Variants in SH3GLB1 observed in about 807,000 individuals in gnomAD.
SH3GLB1 encodes endophilin-B1.
SH3GLB1 carries 17 observed loss-of-function variants against 42.0 expected under a neutral mutation model. The observed-to-expected ratio is 0.40, with a 90% CI of 0.28 to 0.61. The LOEUF is 0.61. Ranked by LOEUF, SH3GLB1 falls within the 20% of genes least tolerant of loss-of-function variation. SH3GLB1 has a pLI of 0.36. For synonymous variants in SH3GLB1, 132 were observed against 146.6 expected, an observed-to-expected ratio of 0.90 and a Z score of 0.72; for missense variants, 355 against 426.3, an observed-to-expected ratio of 0.83 and a Z score of 1.47.
Position 86,742,216 on chromosome 1 carries a change from C to A in SH3GLB1, c.770C>A (p.Ser257Tyr), listed in dbSNP as rs1443520705. The change falls in exon 8 of 9, where the codon TCC becomes TAC. Residue 257 changes from serine (S) to tyrosine (Y), a missense_variant. Transcript: ENST00000370558. ...DLQKQLGSFP[S>Y]NYLSNNNQTS... ...TGCTTTCTTTTCAACAGTTTTCCATCCAATTATCTTAGTAACAACAATCAG... is the reference window on the plus strand; with the variant it reads ...TGCTTTCTTTTCAACAGTTTTCCATACAATTATCTTAGTAACAACAATCAG... 6.2e-7 allele frequency: 1 copy of A among 1,613,258 alleles called. No homozygotes were observed. The highest frequency in any genetic ancestry group is 1.3e-5 in the African/African-American group (1 of 74,882).
intron 5 of SH3GLB1, chr1:86,728,408 A>C (rs1475967790): frequency 6.4e-6 from 10 of 1,554,512 alleles, no homozygotes; most frequent in Non-Finnish European, 8.7e-6. Flanking sequence ...TTAAGCAACT[A>C]AACTCAGCTC....
intron 1 of SH3GLB1, 70 bp downstream of exon 1, chr1:86,705,041 C>A: frequency 9.3e-7 from 1 of 1,071,868 alleles, no homozygotes; most frequent in Admixed American, 2.6e-5. Flanking sequence ...CGCAGCTCGA[C>A]GCGGCGCCCC....
chr1:86,704,977 C>G lies in SH3GLB1; in HGVS notation c.72+6C>G. 6.4e-7 allele frequency: 1 copy of G among 1,569,316 alleles called. No individual in the cohort carries two copies. The highest frequency in any genetic ancestry group is 1.2e-5 in the South Asian group (1 of 86,212). Reference sequence around the variant, plus strand: ...TCCTCAGTCGCGCCGTGCAGGTACCCTGGTGCTGGGGGGAAAAGGGGTGGC... The same window carrying G: ...TCCTCAGTCGCGCCGTGCAGGTACCGTGGTGCTGGGGGGAAAAGGGGTGGC... On this transcript the variant is annotated splice_donor_region_variant and intron_variant, in intron 1 of 8. Coordinates refer to ENST00000370558, the MANE Select transcript of SH3GLB1 (RefSeq NM_016009.5).
chr1:86,704,810 T>G lies in SH3GLB1; in HGVS notation c.-90T>G, dbSNP rs263438. On this transcript the variant is annotated 5_prime_UTR_variant, in exon 1 of 9. Coordinates refer to ENST00000370558, the MANE Select transcript of SH3GLB1 (RefSeq NM_016009.5). ...CTCCCTCCACCTACCACGTCTGCCC[T>G]CGCCGCTCTAGCCCTGCGCCCCAGC... 95,528 of 768,238 alleles carry G rather than the reference T, an allele frequency of 0.12. 6,739 individuals carry two copies. The highest frequency in any genetic ancestry group is 0.25 in the African/African-American group (13,470 of 53,536). The allele number at this position is 768,238 out of a possible 1,614,324, so 47.6% of individuals were successfully genotyped here.
rs1316317567 is a variant in SH3GLB1, at chr1:86,744,264, C to T, written c.*1029C>T. 1 of 152,122 alleles carries T rather than the reference C, an allele frequency of 6.6e-6. No homozygotes were observed. Among genetic ancestry groups the T allele is most frequent in the East Asian group, 1.9e-4 (1 of 5,194 alleles). 9.4% of individuals were successfully genotyped at this position (152,122 alleles called of 1,614,324 possible). On this transcript the variant is annotated 3_prime_UTR_variant, in exon 9 of 9. Transcript: ENST00000370558. Reference sequence around the variant, plus strand: ...GAAGCTAGAAAATTGCTGTTGGGGCCATTGCTATAAATCATTGTTTCCATG... The same window carrying T: ...GAAGCTAGAAAATTGCTGTTGGGGCTATTGCTATAAATCATTGTTTCCATG...
chr1:86,706,935 T>C (rs1261223212), intron 1 of SH3GLB1, among the ~76,000 whole-genome samples: 1 of 152,244 alleles, frequency 6.6e-6, no homozygotes, highest in Non-Finnish European at 1.5e-5. Context: ...AATTTTATGC[T>C]AATCTGTTAG....
At chr1:86,741,265 T>C (rs1164098915) in intron 7 of SH3GLB1, among the ~76,000 whole-genome samples, 2 of 152,188 alleles carry the variant, frequency 1.3e-5, no homozygotes, top group African/African-American at 2.4e-5. Context: ...GGTATAGTGC[T>C]CGTGAAGAGA....
intron 7 of SH3GLB1, among the ~76,000 whole-genome samples, chr1:86,740,486 A>G (rs1001644439): frequency 6.6e-6 from 1 of 152,270 alleles, no homozygotes; most frequent in Non-Finnish European, 1.5e-5. Flanking sequence ...TGAGTGGCAT[A>G]AGAAATGAGA....
Position 86,746,464 on chromosome 1 carries a change from C to T in SH3GLB1, c.*3229C>T, listed in dbSNP as rs1365915997. On this transcript the variant is annotated 3_prime_UTR_variant, in exon 9 of 9. Transcript: ENST00000370558. ...TAGTTTAGCCTATAGCCAACTTTGC[C>T]TCAAGACCTCCAGATAAGATGAAGT... 6.6e-6 allele frequency: 1 copy of T among 152,238 alleles called. No individual in the cohort carries two copies. Among genetic ancestry groups the T allele is most frequent in the Admixed American group, 6.5e-5 (1 of 15,284 alleles). 9.4% of individuals were successfully genotyped at this position (152,238 alleles called of 1,614,324 possible).
chr1:86,735,317 A>G (rs1655728492), intron 7 of SH3GLB1, 138 bp downstream of exon 7: 4 of 548,780 alleles, frequency 7.3e-6, no homozygotes, highest in South Asian at 6.7e-5. Flanking sequence ...AAGGAAAGTA[A>G]TTATCAGTTT....
intron 7 of SH3GLB1, among the ~76,000 whole-genome samples, chr1:86,737,552 G>A (rs763299170): frequency 6.6e-6 from 1 of 152,150 alleles, no homozygotes; most frequent in African/African-American, 2.4e-5. Context: ...TTTTAGAGAG[G>A]AAAAGCTATA....
At chr1:86,722,729 T>G (rs529682308) in intron 4 of SH3GLB1, 56 bp downstream of exon 4, 1 of 1,433,386 alleles carries the variant, frequency 7.0e-7, no homozygotes, top group East Asian at 2.5e-5. Flanking sequence ...TATATACTTT[T>G]TAATGAATAA....
At chr1:86,715,540 A>G (rs1212906206) in intron 1 of SH3GLB1, among the ~76,000 whole-genome samples, 184 bp from the exon 2 acceptor site, 3 of 152,236 alleles carry the variant, frequency 2.0e-5, no homozygotes, top group African/African-American at 7.2e-5. Flanking sequence ...CATCCACAAA[A>G]GAAGTATGGA....
intron 2 of SH3GLB1, among the ~76,000 whole-genome samples, chr1:86,718,609 G>T (rs374972123): frequency 2.0e-5 from 3 of 152,088 alleles, no homozygotes; most frequent in African/African-American, 7.2e-5. Context: ...TTCCGCATGC[G>T]TAGGAATCTA....
rs1403366704 is a variant in SH3GLB1 at position 86,747,984 on chromosome 1, A to G, written c.*4749A>G. 2.0e-5 allele frequency: 3 copies of G among 152,186 alleles called. No individual in the cohort carries two copies. Among genetic ancestry groups the G allele is most frequent in the East Asian group, 1.9e-4 (1 of 5,196 alleles). 9.4% of individuals were successfully genotyped at this position (152,186 alleles called of 1,614,324 possible). A position where few individuals can be genotyped will look rare whatever the true frequency, so the allele number is the denominator to read the frequency against. ...TCCAGACTTTTCTGTGCATTTATAG[A>G]TATTTTTAATGGGATCAAAGTGTAC... On this transcript the variant is annotated 3_prime_UTR_variant, in exon 9 of 9. Transcript: ENST00000370558.
At chr1:86,720,480 C>G (rs949590536) in intron 3 of SH3GLB1, among the ~76,000 whole-genome samples, 11 of 152,154 alleles carry the variant, frequency 7.2e-5, no homozygotes, top group Non-Finnish European at 1.5e-4. Flanking sequence ...TAGTTACACT[C>G]GCTTTATTAG....
At chr1:86,724,589 A>G (rs1481224421) in intron 5 of SH3GLB1, among the ~76,000 whole-genome samples, 184 bp downstream of exon 5, 1 of 152,108 alleles carries the variant, frequency 6.6e-6, no homozygotes, top group Non-Finnish European at 1.5e-5. Context: ...GGTGATATTC[A>G]TGGCCAGGCA....
intron 5 of SH3GLB1, among the ~76,000 whole-genome samples, chr1:86,730,837 C>G (rs149530494): frequency 6.6e-6 from 1 of 152,158 alleles, no homozygotes; most frequent in Non-Finnish European, 1.5e-5. Flanking sequence ...AGCTTGTTCT[C>G]TCCAGCACCA....
At position 86,724,892 on chromosome 1, in the gene SH3GLB1, A is replaced by ATATAT. The variant is rs1553208270; in HGVS notation, c.570+487_570+488insTATAT. 1.1e-4 allele frequency among the ~76,000 whole-genome samples: 11 copies of ATATAT among 99,676 alleles called. No homozygotes were observed. In the East Asian group the frequency reaches 1.4e-3, roughly 13 times the overall value. 65.4% of individuals were successfully genotyped at this position (99,676 alleles called of 152,430 possible). A position where few individuals can be genotyped will look rare whatever the true frequency, so the allele number is the denominator to read the frequency against. ...CTGTCTTTAAAAAAAAAAAAAAAAAAATATATATATATATATATATAAAAT... is the reference window on the plus strand; with the variant it reads ...CTGTCTTTAAAAAAAAAAAAAAAAAATATATATATATATATATATATATATAAAAT... On this transcript the variant is annotated intron_variant, in intron 5 of 8. Coordinates refer to ENST00000370558, the MANE Select transcript of SH3GLB1 (RefSeq NM_016009.5).
Sources: allele counts gnomAD v4.1 joint callset (sites outside exome capture counted in the v4.1 genomes callset), GRCh38; gene constraint gnomAD v4.1.1; transcripts MANE v1.5; gene names NCBI Gene and HGNC (gene_info 2026-07-23, HGNC 2026-07-21).